The following POF1B variants were observed in gnomAD, a reference collection of about 807,000 sequenced individuals.
POF1B encodes the protein POF1B actin binding protein.
In POF1B, 53 loss-of-function variants were observed where a neutral mutation model predicts 55.3. The observed-to-expected ratio is 0.96, with a 90% confidence interval of 0.77 to 1.20. The LOEUF is 1.20. POF1B is among the 50% of genes most tolerant of loss of function. POF1B has a pLI of 0.00. For missense variants in POF1B, 478 were observed against 420.5 expected (o/e 1.14, Z -1.20); for synonymous variants, 188 against 148.3 (o/e 1.27, Z -1.95).
intron 5 of POF1B, among the ~76,000 whole-genome samples, chrX:85,348,390 T>C (rs1161137304): frequency 9.0e-6 from 1 of 111,564 alleles, no homozygotes; most frequent in Non-Finnish European, 1.9e-5. Context: ...AAAAGAATTA[T>C]GATGAGTACA....
chrX:85,281,236 GA>G (rs1931890388), intron 16 of POF1B, among the ~76,000 whole-genome samples: 1 of 108,046 alleles, frequency 9.3e-6, no homozygotes, highest in South Asian at 4.1e-4. Context: ...CACGTACTTA[GA>G]ATTTACATTG....
chrX:85,289,548 A>T (rs55927588), intron 15 of POF1B, among the ~76,000 whole-genome samples: 12,320 of 111,137 alleles, frequency 0.11, 573 homozygotes, highest in South Asian at 0.17. Flanking sequence ...GTAAAAATAT[A>T]ACTGGGTAAG....
intron 15 of POF1B, among the ~76,000 whole-genome samples, chrX:85,289,121 T>C (rs1167090320): frequency 2.7e-5 from 3 of 110,538 alleles, no homozygotes; most frequent in South Asian, 7.8e-4. Context: ...AAAAGAGTCC[T>C]CCTGGGACTC....
intron 6 of POF1B, among the ~76,000 whole-genome samples, chrX:85,338,545 TG>T (rs1933115306): frequency 8.9e-6 from 1 of 111,886 alleles, no homozygotes; most frequent in Non-Finnish European, 1.9e-5. Context: ...TTCTTTCTCA[TG>T]GGAAAATAAA....
intron 15 of POF1B, among the ~76,000 whole-genome samples, chrX:85,298,905 T>TAA (rs1028442733): frequency 9.7e-6 from 1 of 103,153 alleles, no homozygotes; most frequent in African/African-American, 3.5e-5. Flanking sequence ...TACAAAGAAC[T>TAA]AAAAAAAAAA....
In POF1B at chrX:85,343,214, A is replaced by G. The variant is rs1337539036; in HGVS notation, c.723+2646T>C. ...TAAAAAAAGAGATTATCTAAAATGGAAAAAAAGCGGAATTTAATAAAATTA... is the reference window on the plus strand; with the variant it reads ...TAAAAAAAGAGATTATCTAAAATGGGAAAAAAGCGGAATTTAATAAAATTA... On this transcript the variant is annotated intron_variant, in intron 6 of 16. Transcript: ENST00000262753. 3.6e-5 allele frequency among the ~76,000 whole-genome samples: 4 copies of G among 110,449 alleles called. No individual in the cohort carries two copies. The East Asian group carries it at 1.1e-3, about 32-fold the overall frequency.
At chrX:85,358,010 T>G (rs1442251586) in intron 4 of POF1B, among the ~76,000 whole-genome samples, 1 of 111,360 alleles carries the variant, frequency 9.0e-6, no homozygotes, top group Non-Finnish European at 1.9e-5. Flanking sequence ...GCTAAAAAGC[T>G]TAGGGTCATG....
chrX:85,358,053 A>G (rs1445499714), intron 4 of POF1B, among the ~76,000 whole-genome samples: 1 of 111,339 alleles, frequency 9.0e-6, no homozygotes, highest in East Asian at 2.9e-4. Context: ...AAGTCATCGA[A>G]TCTTGTTAAA....
intron 15 of POF1B, among the ~76,000 whole-genome samples, chrX:85,297,144 C>G (rs1470601396): frequency 8.9e-6 from 1 of 111,757 alleles, no homozygotes; most frequent in Non-Finnish European, 1.9e-5. Flanking sequence ...TTACTGGATA[C>G]CTTGGATTGG....
chrX:85,356,106 A>G (rs943184699), intron 4 of POF1B, among the ~76,000 whole-genome samples: 1 of 111,615 alleles, frequency 9.0e-6, no homozygotes, highest in Non-Finnish European at 1.9e-5. Context: ...TGGCACATAT[A>G]CACCATAGAA....
At chrX:85,280,445 A>G (rs6653051) in intron 16 of POF1B, among the ~76,000 whole-genome samples, 14,632 of 110,750 alleles carry the variant, frequency 0.13, 730 homozygotes, top group South Asian at 0.18. Flanking sequence ...ATAAGTATTC[A>G]AATAAATGAA....
chrX:85,290,446 C>CA (rs1019921755), intron 15 of POF1B, among the ~76,000 whole-genome samples: 3 of 110,668 alleles, frequency 2.7e-5, no homozygotes, highest in African/African-American at 9.9e-5. Context: ...GGGTAGAATG[C>CA]TTTTTTTTAC....
intron 6 of POF1B, among the ~76,000 whole-genome samples, chrX:85,340,555 A>G (rs181617399): frequency 2.7e-5 from 3 of 111,694 alleles, no homozygotes; most frequent in East Asian, 2.8e-4. Flanking sequence ...AGCTATGTGA[A>G]CTGAAGATGT....
chrX:85,351,089 A>C (rs1484432391), intron 5 of POF1B, among the ~76,000 whole-genome samples: 1 of 111,750 alleles, frequency 8.9e-6, no homozygotes, highest in Non-Finnish European at 1.9e-5. Context: ...TATTAAGTTC[A>C]GATTCTGCCA....
intron 8 of POF1B, among the ~76,000 whole-genome samples, chrX:85,314,822 A>G (rs1265542129): frequency 8.9e-6 from 1 of 112,227 alleles, no homozygotes; most frequent in East Asian, 2.8e-4. Context: ...AAATTCCTTT[A>G]CACACTTTAT....
Position 85,379,198 on chromosome X carries a change from T to G in POF1B, c.257A>C (p.Asn86Thr). ...SPLKTTSSYQ[N>T]LVWSDHSQEL... ...CTGAGAATGGTCGCTCCAAACCAAA[T>G]TTTGGTAGGAGGAGGTGGTTTTGAG... is the stretch of plus-strand genomic sequence containing the variant. Residue 86 changes from asparagine to threonine, a missense_variant, in exon 2 of 17, where the codon AAT (asparagine) becomes ACT (threonine). By Grantham distance (65) the Asn-to-Thr change is moderately conservative. Coordinates refer to ENST00000262753, the MANE Select transcript of POF1B (RefSeq NM_024921.4). 1 of 1,210,777 alleles carries G rather than the reference T, an allele frequency of 8.3e-7. No individual in the cohort carries two copies. Among genetic ancestry groups the G allele is most frequent in the African/African-American group, 1.7e-5 (1 of 57,648 alleles).
intron 2 of POF1B, among the ~76,000 whole-genome samples, chrX:85,375,901 T>A (rs1324609537): frequency 9.0e-6 from 1 of 111,592 alleles, no homozygotes; most frequent in Non-Finnish European, 1.9e-5. Flanking sequence ...TACACTAAAA[T>A]AATCCTTCTC....
chrX:85,330,118 A>C (rs1023636696), intron 7 of POF1B, among the ~76,000 whole-genome samples: 2 of 109,936 alleles, frequency 1.8e-5, no homozygotes, highest in Non-Finnish European at 3.8e-5. Flanking sequence ...ATGGCCACAG[A>C]TATGCTGTAA....
intron 6 of POF1B, among the ~76,000 whole-genome samples, chrX:85,334,344 A>G (rs746139652): frequency 9.0e-6 from 1 of 111,300 alleles, no homozygotes; most frequent in East Asian, 2.8e-4. Context: ...GCTATCTCAA[A>G]TGTTAATCTT....
Sources: allele counts gnomAD v4.1 joint callset (sites outside exome capture counted in the v4.1 genomes callset), GRCh38; gene constraint gnomAD v4.1.1; transcripts MANE v1.5; gene names NCBI Gene and HGNC (gene_info 2026-07-23, HGNC 2026-07-21).